SYT9: variants seen among roughly 807,000 people sequenced by gnomAD.
SYT9 encodes the protein synaptotagmin-9.
A neutral mutation model predicts 48.4 loss-of-function variants in SYT9; 22 were observed. The ratio of observed to expected loss-of-function variants is 0.45; its 90% confidence interval spans 0.32 to 0.65. The LOEUF (loss-of-function observed/expected upper bound fraction) is 0.65. Among genes scored for constraint, SYT9 ranks in the 30% least tolerant of loss-of-function variants. The pLI is 0.03. For synonymous variants in SYT9, 265 were observed against 245.0 expected, an observed-to-expected ratio of 1.08 and a Z score of -0.76; for missense variants, 577 against 622.0, an observed-to-expected ratio of 0.93 and a Z score of 0.77.
At position 7,418,194 on chromosome 11, in the gene SYT9, G is replaced by A. The variant is rs937611146; in HGVS notation, c.1337+66G>A. 9.7e-6 allele frequency: 15 copies of A among 1,543,500 alleles called. No individual in the cohort carries two copies. The African/African-American group carries it at 1.4e-4, about 14-fold the overall frequency. On this transcript the variant is annotated intron_variant, in intron 5 of 6. Coordinates refer to ENST00000318881, the MANE Select transcript of SYT9 (RefSeq NM_175733.4). ...GCCCAGGACTGGGAAGGCAGAGGGGGAGCAGCAGCCACAGATTCTTACCTG... is the reference window on the plus strand; with the variant it reads ...GCCCAGGACTGGGAAGGCAGAGGGGAAGCAGCAGCCACAGATTCTTACCTG...
At chr11:7,451,443 G>A (rs1271013234) in intron 6 of SYT9, among the ~76,000 whole-genome samples, 1 of 152,176 alleles carries the variant, frequency 6.6e-6, no homozygotes, top group Non-Finnish European at 1.5e-5. Context: ...GGCCTGAAGT[G>A]AAAATGTATG....
intron 2 of SYT9, among the ~76,000 whole-genome samples, chr11:7,308,764 G>T (rs1849078516): frequency 6.6e-6 from 1 of 152,130 alleles, no homozygotes; most frequent in Non-Finnish European, 1.5e-5. Context: ...ACTACATTTT[G>T]CCTCTCTGCA....
chr11:7,445,376 C>A (rs987450634), intron 6 of SYT9, among the ~76,000 whole-genome samples: 1 of 152,156 alleles, frequency 6.6e-6, no homozygotes, highest in African/African-American at 2.4e-5. Context: ...GCTTCACTGT[C>A]CAGCCTTGGA....
intron 6 of SYT9, among the ~76,000 whole-genome samples, chr11:7,425,766 G>A (rs772279649): frequency 3.2e-4 from 49 of 152,202 alleles, no homozygotes; most frequent in Admixed American, 1.7e-3. Context: ...AGCCTAATAC[G>A]TGTGTTAGGG....
At chr11:7,376,428 C>G (rs1171680791) in intron 3 of SYT9, among the ~76,000 whole-genome samples, 1 of 151,288 alleles carries the variant, frequency 6.6e-6, no homozygotes, top group African/African-American at 2.4e-5. Context: ...CAGATTCTCC[C>G]CAACCTCCTA....
intron 3 of SYT9, among the ~76,000 whole-genome samples, chr11:7,398,311 T>C (rs1727806523): frequency 6.6e-6 from 1 of 152,204 alleles, no homozygotes; most frequent in African/African-American, 2.4e-5. Context: ...TTTTTCAGAA[T>C]ACATGTCCTT....
intron 3 of SYT9, among the ~76,000 whole-genome samples, chr11:7,377,547 T>G (rs1298841232): frequency 6.6e-6 from 1 of 152,136 alleles, no homozygotes; most frequent in Non-Finnish European, 1.5e-5. Context: ...TAGCTTCTCT[T>G]TCTTTATTTT....
chr11:7,434,738 G>A (rs1847670572), intron 6 of SYT9, among the ~76,000 whole-genome samples: 1 of 152,134 alleles, frequency 6.6e-6, no homozygotes, highest in Non-Finnish European at 1.5e-5. Context: ...TTTATTATAA[G>A]CACACTTATA....
chr11:7,463,236 C>A (rs748516423), intron 6 of SYT9, among the ~76,000 whole-genome samples: 4 of 152,172 alleles, frequency 2.6e-5, no homozygotes, highest in Non-Finnish European at 4.4e-5. Flanking sequence ...GCATTATGCT[C>A]AACAGTTATT....
intron 3 of SYT9, among the ~76,000 whole-genome samples, chr11:7,394,406 G>C (rs989586012): frequency 4.6e-5 from 7 of 152,126 alleles, no homozygotes; most frequent in Non-Finnish European, 1.0e-4. Flanking sequence ...ATTGTGAATA[G>C]TGCCGTGATA....
intron 6 of SYT9, among the ~76,000 whole-genome samples, chr11:7,461,986 T>C (rs1848244928): frequency 6.6e-6 from 1 of 152,250 alleles, no homozygotes; most frequent in South Asian, 2.1e-4. Context: ...TTTGCCACCT[T>C]TCCCCTCAAG....
chr11:7,394,979 G>A (rs1163322028), intron 3 of SYT9, among the ~76,000 whole-genome samples: 1 of 151,972 alleles, frequency 6.6e-6, no homozygotes, highest in Non-Finnish European at 1.5e-5. Flanking sequence ...TGTAAAATAT[G>A]TGGTTTTGAG....
chr11:7,430,892 C>A (rs1304862305), intron 6 of SYT9, among the ~76,000 whole-genome samples: 1 of 152,184 alleles, frequency 6.6e-6, no homozygotes, highest in Non-Finnish European at 1.5e-5. Context: ...AACCTCCTTT[C>A]TTTATAAATT....
At chr11:7,303,468 G>A in intron 2 of SYT9, 78 bp downstream of exon 2, 1 of 1,249,984 alleles carries the variant, frequency 8.0e-7, no homozygotes, top group Non-Finnish European at 1.1e-6. Flanking sequence ...GCACTGATAG[G>A]TCAAGGAGCC....
chr11:7,309,764 T>G (rs1849096861), intron 2 of SYT9, among the ~76,000 whole-genome samples: 1 of 152,196 alleles, frequency 6.6e-6, no homozygotes, highest in African/African-American at 2.4e-5. Flanking sequence ...CTCCACTTCC[T>G]TATTTTCAGC....
At chr11:7,318,595 T>G (rs1849282278) in intron 3 of SYT9, among the ~76,000 whole-genome samples, 1 of 152,240 alleles carries the variant, frequency 6.6e-6, no homozygotes, top group Non-Finnish European at 1.5e-5. Context: ...ATTTCAGTCA[T>G]GAGCCACCGC....
intron 1 of SYT9, among the ~76,000 whole-genome samples, chr11:7,277,988 G>C (rs1249215984): frequency 6.6e-6 from 1 of 152,172 alleles, no homozygotes; most frequent in Non-Finnish European, 1.5e-5. Context: ...TAAAGAAAAG[G>C]AATTTATTTT....
rs1847885532 is a variant in SYT9 at position 7,252,284 on chromosome 11, T to A, written c.98T>A (p.Phe33Tyr). ...GALEHDSCQD[F>Y]IYHLRDRARP... ...CTGGAGCACGACAGCTGCCAGGATTTCATTTACCACCTGCGGGACCGTGCC... is the reference window on the plus strand; with the variant it reads ...CTGGAGCACGACAGCTGCCAGGATTACATTTACCACCTGCGGGACCGTGCC... The change falls in exon 1 of 7, where the codon TTC (phenylalanine) becomes TAC (tyrosine). Residue 33 changes from phenylalanine to tyrosine, a missense_variant. Phe to Tyr is a conservative substitution (Grantham distance 22). Transcript: ENST00000318881. The surrounding 1 kb of genome is among the most constrained non-coding windows in gnomAD (Gnocchi z 6.3). 1 of 1,513,672 alleles carries A rather than the reference T, an allele frequency of 6.6e-7. No individual in the cohort carries two copies. Among genetic ancestry groups the A allele is most frequent in the Non-Finnish European group, 8.8e-7 (1 of 1,130,626 alleles). The allele number at this position is 1,513,672 out of a possible 1,614,324, so 93.8% of individuals were successfully genotyped here. A position where few individuals can be genotyped will look rare whatever the true frequency, so the allele number is the denominator to read the frequency against.
chr11:7,370,636 C>T (rs1850345507), intron 3 of SYT9, among the ~76,000 whole-genome samples: 1 of 152,080 alleles, frequency 6.6e-6, no homozygotes, highest in Admixed American at 6.5e-5. Flanking sequence ...CAACCCTATG[C>T]TCACTCAAAA....
Sources: allele counts gnomAD v4.1 joint callset (sites outside exome capture counted in the v4.1 genomes callset), GRCh38; gene constraint gnomAD v4.1.1; non-coding constraint Gnocchi (gnomAD v3.1); transcripts MANE v1.5; gene names NCBI Gene and HGNC (gene_info 2026-07-23, HGNC 2026-07-21).